PKNOX2: variants seen among roughly 807,000 people sequenced by gnomAD.
PKNOX2 encodes the protein homeobox protein PKNOX2.
In PKNOX2, 14 loss-of-function variants were observed where a neutral mutation model predicts 53.1. The ratio of observed to expected loss-of-function variants is 0.26; its 90% CI spans 0.17 to 0.41. The LOEUF (loss-of-function observed/expected upper bound fraction) is 0.41, where lower values mean the gene tolerates loss of function less well. PKNOX2 is among the 10% of genes least tolerant of loss of function. PKNOX2 has a pLI of 1.00. For missense variants in PKNOX2, 496 were observed against 602.8 expected (o/e 0.82, Z 1.85); for synonymous variants, 257 against 242.8 (o/e 1.06, Z -0.54).
intron 1 of PKNOX2, among the ~76,000 whole-genome samples, chr11:125,228,353 A>G (rs1479165160): frequency 1.3e-5 from 2 of 152,220 alleles, no homozygotes; most frequent in African/African-American, 2.4e-5. Context: ...CCATGCAGCT[A>G]TAGAGGATGA....
intron 5 of PKNOX2, among the ~76,000 whole-genome samples, chr11:125,368,691 C>A (rs1267407148): frequency 2.0e-5 from 3 of 152,202 alleles, no homozygotes; most frequent in Non-Finnish European, 4.4e-5. Context: ...CCCCACGCAT[C>A]CAGGGCTGAG....
chr11:125,377,433 A>AG (rs1169232670), intron 5 of PKNOX2, among the ~76,000 whole-genome samples: 1 of 152,188 alleles, frequency 6.6e-6, no homozygotes, highest in Admixed American at 6.5e-5. Flanking sequence ...AGGTCGTTGG[A>AG]GGGGACATGA....
At chr11:125,308,440 G>A (rs1489210124) in intron 2 of PKNOX2, among the ~76,000 whole-genome samples, 9 of 152,214 alleles carry the variant, frequency 5.9e-5, no homozygotes, top group Non-Finnish European at 2.9e-5. Context: ...AGACATGTCA[G>A]GAGAAGCACA....
chr11:125,216,946 G>A (rs1399530138), intron 1 of PKNOX2, among the ~76,000 whole-genome samples: 1 of 151,994 alleles, frequency 6.6e-6, no homozygotes, highest in Non-Finnish European at 1.5e-5. Flanking sequence ...GTGTGGCCAG[G>A]ATGTGCATGT....
At chr11:125,357,183 C>G (rs1199285596) in intron 4 of PKNOX2, among the ~76,000 whole-genome samples, 1 of 152,162 alleles carries the variant, frequency 6.6e-6, no homozygotes, top group Non-Finnish European at 1.5e-5. Flanking sequence ...TTCTGCTGGG[C>G]CTTTCTTCTC....
At chr11:125,205,603 C>T (rs1938997750) in intron 1 of PKNOX2, among the ~76,000 whole-genome samples, 2 of 150,166 alleles carry the variant, frequency 1.3e-5, no homozygotes, top group South Asian at 4.2e-4. Flanking sequence ...GGGTTATAAC[C>T]CTTTCAGCCC....
At chr11:125,344,139 A>C (rs1950850248) in intron 3 of PKNOX2, among the ~76,000 whole-genome samples, 1 of 152,062 alleles carries the variant, frequency 6.6e-6, no homozygotes, top group Non-Finnish European at 1.5e-5. Flanking sequence ...ACACAGAGGG[A>C]CCCGGCACCC....
intron 2 of PKNOX2, among the ~76,000 whole-genome samples, chr11:125,303,895 C>T (rs923525427): frequency 6.6e-6 from 1 of 152,184 alleles, no homozygotes; most frequent in African/African-American, 2.4e-5. Context: ...CATTGCAAAA[C>T]CATCTCCTTC....
At chr11:125,340,241 G>C (rs1490918208) in intron 3 of PKNOX2, among the ~76,000 whole-genome samples, 1 of 152,196 alleles carries the variant, frequency 6.6e-6, no homozygotes, top group East Asian at 1.9e-4. Flanking sequence ...GACATTTAGT[G>C]GTGTCAGTAT....
Position 125,229,789 on chromosome 11 carries a change from T to C in PKNOX2, c.-200-5256T>C, listed in dbSNP as rs145938009. Among the ~76,000 whole-genome samples, 396 of 152,246 alleles carry C rather than the reference T, an allele frequency of 2.6e-3. 3 individuals carry two copies. Among genetic ancestry groups the C allele is most frequent in the Middle Eastern group, 0.014 (4 of 294 alleles). ...GTCCATGGGGCCAGGGGGGGCTTGC[T>C]TGTGAGCAGGCCCACCCTCATGCTC... On this transcript the variant is annotated intron_variant, in intron 1 of 12. Coordinates refer to ENST00000298282, the MANE Select transcript of PKNOX2 (RefSeq NM_001382323.2).
chr11:125,349,508 G>A (rs1000561149), intron 3 of PKNOX2, among the ~76,000 whole-genome samples: 15 of 152,224 alleles, frequency 9.9e-5, no homozygotes, highest in African/African-American at 3.6e-4. Context: ...GCGAGTGACA[G>A]GCGGTGAGGC....
intron 1 of PKNOX2, among the ~76,000 whole-genome samples, chr11:125,205,741 TCACTG>T (rs1939015879): frequency 6.6e-6 from 1 of 152,026 alleles, no homozygotes; most frequent in Admixed American, 6.6e-5. Flanking sequence ...TTAAATTAAA[TCACTG>T]CACATTTATT....
chr11:125,290,200 T>G (rs761712653), intron 2 of PKNOX2, among the ~76,000 whole-genome samples: 1 of 152,152 alleles, frequency 6.6e-6, no homozygotes, highest in Non-Finnish European at 1.5e-5. Context: ...AGCCCCTGGA[T>G]CCTTGGAGCA....
Position 125,208,834 on chromosome 11 carries a change from C to T in PKNOX2, c.-200-26211C>T, listed in dbSNP as rs556369745. Reference sequence around the variant, plus strand: ...AGCAGGTTCAGGGAGCGAGAGGGGACGTGTGCTGCATTCTGTGGATGTGTT... The same window carrying T: ...AGCAGGTTCAGGGAGCGAGAGGGGATGTGTGCTGCATTCTGTGGATGTGTT... On this transcript the variant is annotated intron_variant, in intron 1 of 12. Coordinates refer to ENST00000298282, the MANE Select transcript of PKNOX2 (RefSeq NM_001382323.2). 1.8e-4 allele frequency among the ~76,000 whole-genome samples: 28 copies of T among 152,064 alleles called. No homozygotes were observed. In the South Asian group the frequency reaches 5.0e-3, roughly 27 times the overall value.
rs977860005 is a variant in PKNOX2, at chr11:125,244,024, T to C, written c.-130+8909T>C. Reference sequence around the variant, plus strand: ...GGAGCCCCAGAGCCAAGTGGATGAATGGATGGAAGGATGAAAGATGAAGGG... The same window carrying C: ...GGAGCCCCAGAGCCAAGTGGATGAACGGATGGAAGGATGAAAGATGAAGGG... On this transcript the variant is annotated intron_variant, in intron 2 of 12. Transcript: ENST00000298282. Among the ~76,000 whole-genome samples, 7 of 152,044 alleles carry C rather than the reference T, an allele frequency of 4.6e-5. No individual in the cohort carries two copies. In the South Asian group the frequency reaches 1.5e-3, roughly 32 times the overall value.
At chr11:125,388,729 G>T (rs1416273017) in intron 6 of PKNOX2, among the ~76,000 whole-genome samples, 1 of 151,794 alleles carries the variant, frequency 6.6e-6, no homozygotes. Flanking sequence ...CCCCAAGCAA[G>T]TTGCCCTGTA....
At chr11:125,322,684 C>T (rs907105818) in intron 2 of PKNOX2, among the ~76,000 whole-genome samples, 1 of 152,190 alleles carries the variant, frequency 6.6e-6, no homozygotes, top group African/African-American at 2.4e-5. Flanking sequence ...GAAGGGGGAG[C>T]AGTTAGTCAT....
At chr11:125,266,966 C>T (rs1240989124) in intron 2 of PKNOX2, among the ~76,000 whole-genome samples, 3 of 152,188 alleles carry the variant, frequency 2.0e-5, no homozygotes, top group Admixed American at 2.0e-4. Flanking sequence ...CTATATCTCC[C>T]TTTTGATTTT....
intron 2 of PKNOX2, among the ~76,000 whole-genome samples, chr11:125,289,370 A>G (rs1405665276): frequency 6.6e-6 from 1 of 152,174 alleles, no homozygotes; most frequent in Non-Finnish European, 1.5e-5. Context: ...TTTTCTCCAA[A>G]ATGGGAATGA....
Sources: allele counts gnomAD v4.1 joint callset (sites outside exome capture counted in the v4.1 genomes callset), GRCh38; gene constraint gnomAD v4.1.1; transcripts MANE v1.5; gene names NCBI Gene and HGNC (gene_info 2026-07-23, HGNC 2026-07-21).